Variants in BICD1 observed in about 807,000 individuals in gnomAD.
The protein encoded by BICD1 is BICD cargo adaptor 1.
A neutral mutation model predicts 92.5 loss-of-function variants in BICD1; 35 were observed. The observed-to-expected ratio is 0.38, with a 90% CI of 0.29 to 0.50. BICD1 has a LOEUF of 0.50. BICD1 is among the 20% of genes least tolerant of loss of function. The probability of loss-of-function intolerance (pLI) is 0.93; values close to 1 mark genes in which losing one functional copy is unlikely to be tolerated. For missense variants in BICD1, 950 were observed against 1,189.8 expected (o/e 0.80, Z 2.97); for synonymous variants, 429 against 465.1 (o/e 0.92, Z 1.00).
At chr12:32,277,788 G>T (rs756161953) in intron 2 of BICD1, among the ~76,000 whole-genome samples, 14 of 152,084 alleles carry the variant, frequency 9.2e-5, no homozygotes, top group Non-Finnish European at 1.0e-4. Flanking sequence ...CTTTCCTTTC[G>T]GATGATGCTC....
intron 8 of BICD1, among the ~76,000 whole-genome samples, chr12:32,361,301 A>C (rs1018312058): frequency 1.1e-4 from 17 of 152,154 alleles, no homozygotes; most frequent in African/African-American, 4.1e-4. Context: ...CACACCTATA[A>C]TTCCAGCACT....
intron 2 of BICD1, among the ~76,000 whole-genome samples, chr12:32,266,242 G>A (rs1051764264): frequency 6.6e-6 from 1 of 152,142 alleles, no homozygotes; most frequent in Non-Finnish European, 1.5e-5. Context: ...TCATCAGAAA[G>A]ATGCATTGTA....
chr12:32,131,339 T>C (rs1013037117), intron 1 of BICD1, among the ~76,000 whole-genome samples: 2 of 152,230 alleles, frequency 1.3e-5, no homozygotes, highest in African/African-American at 4.8e-5. Flanking sequence ...GTGAGCCTTT[T>C]TGACAAAAGG....
chr12:32,191,151 T>G (rs1944553147), intron 1 of BICD1, among the ~76,000 whole-genome samples: 1 of 152,106 alleles, frequency 6.6e-6, no homozygotes. Flanking sequence ...TTAAACAACC[T>G]AATTTCACAC....
chr12:32,307,547 G>A (rs1397841516), intron 4 of BICD1, among the ~76,000 whole-genome samples: 2 of 152,130 alleles, frequency 1.3e-5, no homozygotes, highest in Non-Finnish European at 2.9e-5. Context: ...GATTAAATTT[G>A]AGGCTTAATC....
At chr12:32,174,503 C>CA (rs139885508) in intron 1 of BICD1, among the ~76,000 whole-genome samples, 7,405 of 144,108 alleles carry the variant, frequency 0.051, 562 homozygotes, top group African/African-American at 0.17. Context: ...ACCCTGTCTC[C>CA]AAAAAAAAAA....
intron 1 of BICD1, among the ~76,000 whole-genome samples, chr12:32,150,731 G>C (rs551508332): frequency 3.9e-5 from 6 of 152,124 alleles, no homozygotes; most frequent in African/African-American, 1.4e-4. Context: ...ACCTGACACA[G>C]GGGCCTTGGG....
rs533903765 is a variant in BICD1 at position 32,378,376 on chromosome 12, A to C, written c.*749A>C. 6.6e-6 allele frequency: 1 copy of C among 152,244 alleles called. No individual in the cohort carries two copies. The highest frequency in any genetic ancestry group is 1.5e-5 in the Non-Finnish European group (1 of 68,040). The allele number at this position is 152,244 out of a possible 1,614,324, so 9.4% of individuals were successfully genotyped here. On this transcript the variant is annotated 3_prime_UTR_variant, in exon 10 of 10. Coordinates refer to ENST00000652176, the MANE Select transcript of BICD1 (RefSeq NM_001714.4). The stretch of plus-strand genomic sequence containing the variant: ...TGGACATTACTAAGTAAATCTAAGA[A>C]AGAGACTAAGTTATGATTTATTGAC...
chr12:32,194,010 T>C (rs1944650034), intron 1 of BICD1, among the ~76,000 whole-genome samples: 1 of 152,082 alleles, frequency 6.6e-6, no homozygotes, highest in Admixed American at 6.5e-5. Context: ...CCATAATCAA[T>C]GAAATGTATC....
At chr12:32,225,768 C>T (rs538786944) in intron 2 of BICD1, among the ~76,000 whole-genome samples, 24 of 151,138 alleles carry the variant, frequency 1.6e-4, no homozygotes, top group Admixed American at 3.3e-4. Flanking sequence ...TTACAGGCAC[C>T]TACAACCACA....
At chr12:32,242,852 A>G (rs1418195051) in intron 2 of BICD1, among the ~76,000 whole-genome samples, 1 of 152,166 alleles carries the variant, frequency 6.6e-6, no homozygotes, top group African/African-American at 2.4e-5. Flanking sequence ...AGGGTTTAAC[A>G]CTGGCTATGC....
In BICD1 at chr12:32,337,193, G is replaced by T. The variant is rs142431354; in HGVS notation, c.2253-306G>T. On this transcript the variant is annotated intron_variant, in intron 6 of 9. Coordinates refer to ENST00000652176, the MANE Select transcript of BICD1 (RefSeq NM_001714.4). The surrounding 1 kb of genome is among the most constrained non-coding windows in gnomAD (Gnocchi z 4.7). ...ACCTGGGAGGCAGAGGTTACAGTGA[G>T]CCAAGATCACGCCACTGCACTCCAG... is the stretch of plus-strand genomic sequence containing the variant. 2.4e-3 allele frequency among the ~76,000 whole-genome samples: 358 copies of T among 152,272 alleles called. 4 individuals are homozygous for T. The highest frequency in any genetic ancestry group is 8.1e-3 in the African/African-American group (338 of 41,542).
chr12:32,187,568 A>G (rs775253807), intron 1 of BICD1, among the ~76,000 whole-genome samples: 32 of 152,104 alleles, frequency 2.1e-4, no homozygotes, highest in Non-Finnish European at 4.4e-5. Context: ...GCTACTCAGG[A>G]GGCTGAGGCA....
At chr12:32,304,835 C>G (rs2136216518) in intron 3 of BICD1, among the ~76,000 whole-genome samples, 1 of 152,058 alleles carries the variant, frequency 6.6e-6, no homozygotes, top group East Asian at 1.9e-4. Flanking sequence ...CTGGGCAATA[C>G]AGTGAGACCG....
intron 1 of BICD1, among the ~76,000 whole-genome samples, chr12:32,119,127 G>A (rs1291581292): frequency 6.6e-6 from 1 of 152,218 alleles, no homozygotes; most frequent in Non-Finnish European, 1.5e-5. Context: ...TTTTTAAGAA[G>A]AGGACAAGTG....
At chr12:32,318,384 T>C (rs1366561122) in intron 4 of BICD1, among the ~76,000 whole-genome samples, 1 of 152,146 alleles carries the variant, frequency 6.6e-6, no homozygotes, top group Non-Finnish European at 1.5e-5. Context: ...CTCTTTTATT[T>C]CATTGAGCAG....
chr12:32,235,832 C>G (rs1946053257), intron 2 of BICD1, among the ~76,000 whole-genome samples: 1 of 151,456 alleles, frequency 6.6e-6, no homozygotes, highest in South Asian at 2.1e-4. Flanking sequence ...TCCCAAGTAG[C>G]TGGGACTATA....
At chr12:32,348,719 C>CAA (rs1555171503) in intron 8 of BICD1, among the ~76,000 whole-genome samples, 39 of 69,748 alleles carry the variant, frequency 5.6e-4, no homozygotes, top group Admixed American at 2.0e-3. Flanking sequence ...CTAGCTCACA[C>CAA]AAAAATATAT....
chr12:32,317,191 G>A (rs1948527394), intron 4 of BICD1, among the ~76,000 whole-genome samples: 1 of 152,114 alleles, frequency 6.6e-6, no homozygotes, highest in Non-Finnish European at 1.5e-5. Context: ...CTTTATAGCA[G>A]CATGATTTAT....
Sources: gnomAD v4.1 joint callset for allele counts (sites outside exome capture counted in the v4.1 genomes callset) on GRCh38, gnomAD v4.1.1 for gene constraint, Gnocchi (gnomAD v3.1) non-coding constraint, MANE v1.5 for transcripts, NCBI Gene and HGNC (gene_info 2026-07-23, HGNC 2026-07-21) for gene names.